WDR70: variants seen among roughly 807,000 people sequenced by gnomAD.
The protein encoded by WDR70 is WD repeat domain 70.
In WDR70, 53 loss-of-function variants were observed where a neutral mutation model predicts 88.6. The ratio of observed to expected loss-of-function variants is 0.60; its 90% confidence interval spans 0.48 to 0.75. The LOEUF (loss-of-function observed/expected upper bound fraction) is 0.75. WDR70 is among the 30% of genes least tolerant of loss of function. The probability of loss-of-function intolerance (pLI) is 0.00; values close to 1 mark genes in which losing one functional copy is unlikely to be tolerated. For synonymous variants in WDR70, 280 were observed against 270.0 expected (o/e 1.04, Z -0.36); for missense variants, 610 against 823.2 (o/e 0.74, Z 3.17).
intron 14 of WDR70, chr5:37,722,569 A>C (rs971685219): frequency 2.9e-6 from 1 of 342,298 alleles, no homozygotes; most frequent in Non-Finnish European, 5.4e-6. Context: ...TAAGATCTTA[A>C]AATTTCACAT....
chr5:37,704,215 T>C (rs1747252949), intron 13 of WDR70, among the ~76,000 whole-genome samples: 1 of 152,222 alleles, frequency 6.6e-6, no homozygotes, highest in Non-Finnish European at 1.5e-5. Flanking sequence ...CTGGGTGCAT[T>C]AGGAGCCAAC....
rs149602126 is a variant in WDR70 at position 37,723,803 on chromosome 5, A to G, written c.1597+869A>G. 2.1e-3 allele frequency: 327 copies of G among 152,320 alleles called. 1 individual carries two copies. The highest frequency in any genetic ancestry group is 7.5e-3 in the African/African-American group (312 of 41,574). 9.4% of individuals were successfully genotyped at this position (152,320 alleles called of 1,614,324 possible). A position where few individuals can be genotyped will look rare whatever the true frequency, so the allele number is the denominator to read the frequency against. On this transcript the variant is annotated intron_variant, in intron 15 of 17. Coordinates refer to ENST00000265107, the MANE Select transcript of WDR70 (RefSeq NM_018034.4). ...TAGCTCATGTAATTACATGCGGCCT[A>G]CTTAAATTCCTCCAGTCGTTTGAAG...
At chr5:37,388,535 T>C (rs1044629734) in intron 3 of WDR70, among the ~76,000 whole-genome samples, 15 of 145,960 alleles carry the variant, frequency 1.0e-4, no homozygotes, top group Admixed American at 9.0e-4. Flanking sequence ...AGGCCAGGAG[T>C]TCGAGACCAG....
intron 10 of WDR70, among the ~76,000 whole-genome samples, chr5:37,689,139 G>A (rs1044154291): frequency 6.6e-5 from 10 of 152,328 alleles, no homozygotes; most frequent in African/African-American, 2.2e-4. Flanking sequence ...GGGGAGGGGC[G>A]TCCGCCATTG....
At chr5:37,497,427 C>CTCTTCCCTTCCCTTCCG (rs1554143792) in intron 8 of WDR70, among the ~76,000 whole-genome samples, 1 of 34,840 alleles carries the variant, frequency 2.9e-5, no homozygotes, top group Non-Finnish European at 9.3e-5. Flanking sequence ...CTTCCCTTCC[C>CTCTTCCCTTCCCTTCCG]TCTTCCCTTC....
At chr5:37,578,562 T>A (rs1743122711) in intron 9 of WDR70, among the ~76,000 whole-genome samples, 1 of 152,232 alleles carries the variant, frequency 6.6e-6, no homozygotes, top group Admixed American at 6.5e-5. Flanking sequence ...TTTCTCAGTT[T>A]TATTGAAAAT....
rs774243685 is a variant in WDR70, at chr5:37,721,177, A to G, written c.1479A>G (p.Gly493=). The G allele has an allele frequency of 5.0e-6, 8 of 1,613,732 alleles. No individual in the cohort carries two copies. The highest frequency in any genetic ancestry group is 1.7e-5 in the Admixed American group (1 of 59,982). ...AGATCATGGTTGGAACTGGAAATGG[A>G]TTGGCTAAAGTCTATTACGACCCCA... ...LNQIMVGTGN[G]LAKVYYDPNK... Residue 493 remains glycine (G), a synonymous_variant, in exon 14 of 18, where the codon GGA becomes GGG. Coordinates refer to ENST00000265107, the MANE Select transcript of WDR70 (RefSeq NM_018034.4).
chr5:37,416,000 T>G (rs1349359707), intron 5 of WDR70, among the ~76,000 whole-genome samples: 1 of 145,322 alleles, frequency 6.9e-6, no homozygotes, highest in East Asian at 2.1e-4. Context: ...GATGGCGGCC[T>G]GGCAGAGACG....
At position 37,733,209 on chromosome 5, in the gene WDR70, A is replaced by G. The variant is rs181866841; in HGVS notation, c.1877+6164A>G. ...CTTGGTTCATAGCCACATCCCTTTA[A>G]TGTTGCCTAGTCTTCACATTGCCTT... On this transcript the variant is annotated intron_variant, in intron 17 of 17. Transcript: ENST00000265107. Among the ~76,000 whole-genome samples the G allele has an allele frequency of 2.4e-4, 37 of 152,070 alleles. 1 individual carries two copies. The highest frequency in any genetic ancestry group is 2.0e-3 in the Admixed American group (30 of 15,238).
intron 13 of WDR70, among the ~76,000 whole-genome samples, chr5:37,717,166 T>C: frequency 6.6e-6 from 1 of 152,248 alleles, no homozygotes; most frequent in East Asian, 1.9e-4. Flanking sequence ...TGTGCTGAAA[T>C]GTAAAGTTCA....
At chr5:37,696,869 G>A (rs1378962248) in intron 10 of WDR70, among the ~76,000 whole-genome samples, 1 of 152,186 alleles carries the variant, frequency 6.6e-6, no homozygotes, top group African/African-American at 2.4e-5. Context: ...GTCTTTAACT[G>A]TGTAGAAGCA....
chr5:37,680,694 A>G (rs1746400869), intron 10 of WDR70, among the ~76,000 whole-genome samples: 1 of 152,144 alleles, frequency 6.6e-6, no homozygotes, highest in Non-Finnish European at 1.5e-5. Flanking sequence ...AGTTTGTTGA[A>G]GATCAGATGG....
chr5:37,517,521 C>G (rs976073121), intron 9 of WDR70, among the ~76,000 whole-genome samples: 11 of 152,212 alleles, frequency 7.2e-5, no homozygotes, highest in Middle Eastern at 3.4e-3. Flanking sequence ...GCATGCATCA[C>G]CACACCAGGC....
intron 7 of WDR70, among the ~76,000 whole-genome samples, chr5:37,449,605 A>AT (rs1399274566): frequency 2.4e-5 from 1 of 40,890 alleles, no homozygotes; most frequent in African/African-American, 8.1e-5. Flanking sequence ...AAAAAAAAAT[A>AT]AAAAATAAAA....
intron 9 of WDR70, among the ~76,000 whole-genome samples, chr5:37,563,596 G>A (rs1320892425): frequency 1.2e-5 from 1 of 80,854 alleles, no homozygotes; most frequent in African/African-American, 3.2e-5. Context: ...GCGGCTGGCC[G>A]GGCGGGGGGA....
chr5:37,449,221 T>G (rs1738588627), intron 7 of WDR70, among the ~76,000 whole-genome samples: 2 of 152,092 alleles, frequency 1.3e-5, no homozygotes, highest in African/African-American at 4.8e-5. Flanking sequence ...TGGGAGCTCT[T>G]TTAGTTTGGT....
Position 37,381,722 on chromosome 5 carries a change from A to T in WDR70, c.175+37A>T, listed in dbSNP as rs773412010. ...AGATATTTGTTCTTTTATTGGTTTA[A>T]GTACTATGTATACCTCATGCAAGTA... On this transcript the variant is annotated intron_variant, in intron 3 of 17. Transcript: ENST00000265107. 6 of 1,584,366 alleles carry T rather than the reference A, an allele frequency of 3.8e-6. No individual in the cohort carries two copies. In the Admixed American group the frequency reaches 1.0e-4, roughly 27 times the overall value.
intron 5 of WDR70, among the ~76,000 whole-genome samples, chr5:37,409,993 A>G (rs1289806391): frequency 6.6e-6 from 1 of 152,074 alleles, no homozygotes; most frequent in African/African-American, 2.4e-5. Context: ...TAAATCTTTC[A>G]GACTTCACCA....
intron 8 of WDR70, among the ~76,000 whole-genome samples, chr5:37,513,856 A>G (rs555706327): frequency 1.3e-5 from 2 of 152,214 alleles, no homozygotes; most frequent in African/African-American, 4.8e-5. Flanking sequence ...CACTGACTCA[A>G]ATGTTAATCT....
Sources: allele counts gnomAD v4.1 joint callset (sites outside exome capture counted in the v4.1 genomes callset), GRCh38; gene constraint gnomAD v4.1.1; transcripts MANE v1.5; gene names NCBI Gene and HGNC (gene_info 2026-07-23, HGNC 2026-07-21).